Variants in SNX29 observed in about 807,000 individuals in gnomAD.
SNX29 encodes sorting nexin-29.
In SNX29, 78 loss-of-function variants were observed where a neutral mutation model predicts 102.1. The observed-to-expected ratio is 0.76, with a 90% confidence interval of 0.64 to 0.92. The LOEUF (loss-of-function observed/expected upper bound fraction) is 0.92. Among genes scored for constraint, SNX29 ranks in the 40% least tolerant of loss-of-function variants. The pLI is 0.00. For synonymous variants in SNX29, 580 were observed against 414.5 expected, an observed-to-expected ratio of 1.40 and a Z score of -4.85; for missense variants, 1,280 against 1,061.7, an observed-to-expected ratio of 1.21 and a Z score of -2.86.
At chr16:12,512,917 G>T (rs963688211) in intron 19 of SNX29, among the ~76,000 whole-genome samples, 3 of 152,082 alleles carry the variant, frequency 2.0e-5, no homozygotes, top group Non-Finnish European at 4.4e-5. Context: ...CGTCACCAAA[G>T]CACTTGTTTG....
chr16:12,297,482 TCTCTC>T (rs2080020916), intron 15 of SNX29, among the ~76,000 whole-genome samples: 1 of 152,066 alleles, frequency 6.6e-6, no homozygotes, highest in Admixed American at 6.6e-5. Context: ...TGTATTCACT[TCTCTC>T]CTCCTCCGCA....
chr16:12,558,193 G>T (rs192457636), intron 20 of SNX29, among the ~76,000 whole-genome samples: 7 of 149,750 alleles, frequency 4.7e-5, no homozygotes, highest in Admixed American at 2.7e-4. Flanking sequence ...TAATAATTAC[G>T]GTTTACTCCA....
Position 12,401,577 on chromosome 16 carries a change from T to G in SNX29, c.1956-1871T>G, listed in dbSNP as rs573328928. On this transcript the variant is annotated intron_variant, in intron 17 of 20. Coordinates refer to ENST00000566228, the MANE Select transcript of SNX29 (RefSeq NM_032167.5). ...CAGGGTTTCACCATCTTGGCCAGGC[T>G]GGTCTCGAACTCCTGACCTCAGATG... Among the ~76,000 whole-genome samples, 3 of 152,186 alleles carry G rather than the reference T, an allele frequency of 2.0e-5. No individual in the cohort carries two copies. In the South Asian group the frequency reaches 6.2e-4, roughly 32 times the overall value.
chr16:12,283,473 C>G (rs1430410453), intron 15 of SNX29, among the ~76,000 whole-genome samples: 1 of 152,116 alleles, frequency 6.6e-6, no homozygotes. Context: ...GCACGCATCA[C>G]CATGCCCAGC....
intron 14 of SNX29, among the ~76,000 whole-genome samples, chr16:12,202,633 C>T (rs952020854): frequency 3.3e-5 from 5 of 152,174 alleles, no homozygotes; most frequent in African/African-American, 9.7e-5. Flanking sequence ...CTCCTCGCCA[C>T]GGAGCCAGTG....
intron 1 of SNX29, among the ~76,000 whole-genome samples, chr16:11,993,561 C>T (rs1017801536): frequency 1.1e-4 from 17 of 152,118 alleles, no homozygotes; most frequent in Non-Finnish European, 2.2e-4. Context: ...GTGCACAATA[C>T]AATTTCCCTC....
intron 8 of SNX29, among the ~76,000 whole-genome samples, chr16:12,055,890 CT>C (rs1410366508): frequency 6.6e-6 from 1 of 151,894 alleles, no homozygotes; most frequent in South Asian, 2.1e-4. Context: ...TGCCTTTATT[CT>C]TTTTTTTCTG....
chr16:12,468,646 C>G (rs1470767621), intron 18 of SNX29, among the ~76,000 whole-genome samples: 1 of 152,058 alleles, frequency 6.6e-6, no homozygotes, highest in Non-Finnish European at 1.5e-5. Context: ...GGACTGAGCC[C>G]TGGGAGGCTG....
chr16:12,457,721 T>C (rs78391838), intron 18 of SNX29, among the ~76,000 whole-genome samples: 2,312 of 152,306 alleles, frequency 0.015, 52 homozygotes, highest in African/African-American at 0.052. Flanking sequence ...GCCTGCAAGA[T>C]GGAAAAATGT....
intron 18 of SNX29, among the ~76,000 whole-genome samples, chr16:12,431,977 G>A (rs2085335996): frequency 6.6e-6 from 1 of 152,230 alleles, no homozygotes; most frequent in African/African-American, 2.4e-5. Flanking sequence ...TACTCAGGAG[G>A]CCAGAGAGAT....
At chr16:12,186,467 A>G (rs2076512448) in intron 13 of SNX29, among the ~76,000 whole-genome samples, 1 of 152,222 alleles carries the variant, frequency 6.6e-6, no homozygotes, top group Non-Finnish European at 1.5e-5. Context: ...ATAATTTTCT[A>G]AGAACAAGGA....
chr16:12,277,919 C>T lies in SNX29; in HGVS notation c.1679-14C>T, dbSNP rs376198885. ...CTGTTGAAATATTTATGACATGTCT[C>T]TCTTTCTCTAAAGTGCCAAATCTTT... is the stretch of plus-strand genomic sequence containing the variant. On this transcript the variant is annotated splice_polypyrimidine_tract_variant and intron_variant, in intron 14 of 20. Transcript: ENST00000566228. 8 of 1,592,190 alleles carry T rather than the reference C, an allele frequency of 5.0e-6. No individual in the cohort carries two copies. The African/African-American group carries it at 6.7e-5, about 13-fold the overall frequency.
chr16:12,511,925 A>T (rs990752023), intron 19 of SNX29, among the ~76,000 whole-genome samples: 4 of 151,898 alleles, frequency 2.6e-5, no homozygotes, highest in African/African-American at 9.7e-5. Flanking sequence ...AGGGCAGAGG[A>T]AGTGGTCGGG....
rs2055425423 is a variant in SNX29, at chr16:12,154,117, CTTCCTTCTCT to C, written c.1595+24369_1595+24378del. On this transcript the variant is annotated intron_variant, in intron 13 of 20. Coordinates refer to ENST00000566228, the MANE Select transcript of SNX29 (RefSeq NM_032167.5). ...GTTTGGGTTTTCCCTCTCTCCCTAC[CTTCCTTCTCT>C]TTCCTTCTCCCTCCCCACCGACCCC... 3.3e-5 allele frequency among the ~76,000 whole-genome samples: 5 copies of C among 152,134 alleles called. No individual in the cohort carries two copies. The South Asian group carries it at 1.0e-3, about 31-fold the overall frequency.
intron 18 of SNX29, among the ~76,000 whole-genome samples, chr16:12,457,577 A>G (rs966449344): frequency 1.3e-5 from 2 of 152,298 alleles, no homozygotes; most frequent in Admixed American, 6.5e-5. Flanking sequence ...GGAAAAGACA[A>G]AGGTTCAAAT....
intron 14 of SNX29, among the ~76,000 whole-genome samples, chr16:12,218,830 A>G (rs751558810): frequency 2.0e-5 from 3 of 152,058 alleles, no homozygotes; most frequent in Non-Finnish European, 4.4e-5. Flanking sequence ...TCTGGAGTGC[A>G]GTGGCGCGAC....
chr16:12,502,525 T>A (rs1597633889), intron 19 of SNX29, among the ~76,000 whole-genome samples: 1 of 152,080 alleles, frequency 6.6e-6, no homozygotes, highest in East Asian at 1.9e-4. Flanking sequence ...TCTCATCAGC[T>A]TCCCCACGGT....
At chr16:12,148,769 C>T (rs1230546140) in intron 13 of SNX29, among the ~76,000 whole-genome samples, 2 of 152,130 alleles carry the variant, frequency 1.3e-5, no homozygotes, top group African/African-American at 4.8e-5. Context: ...ACGATCTTGG[C>T]TCACCGCAAC....
intron 14 of SNX29, among the ~76,000 whole-genome samples, chr16:12,248,378 C>T (rs1045002353): frequency 6.6e-6 from 1 of 151,760 alleles, no homozygotes; most frequent in African/African-American, 2.4e-5. Flanking sequence ...CTTCCTCTCC[C>T]CATCCAGATC....
Sources: gnomAD v4.1 joint callset for allele counts (sites outside exome capture counted in the v4.1 genomes callset) on GRCh38, gnomAD v4.1.1 for gene constraint, MANE v1.5 for transcripts, NCBI Gene and HGNC (gene_info 2026-07-23, HGNC 2026-07-21) for gene names.